Variants in DENND2C observed in about 807,000 individuals in gnomAD.
DENND2C encodes DENN domain-containing protein 2C.
Under a neutral mutation model 112.4 loss-of-function variants are expected in DENND2C, and 72 were observed. The ratio of observed to expected loss-of-function variants is 0.64; its 90% CI spans 0.53 to 0.78. The LOEUF is 0.78. Among genes scored for constraint, DENND2C ranks in the 30% least tolerant of loss-of-function variants. The probability of loss-of-function intolerance (pLI) is 0.00; values close to 1 mark genes in which losing one functional copy is unlikely to be tolerated. For synonymous variants in DENND2C, 329 were observed against 381.6 expected (o/e 0.86, Z 1.61); for missense variants, 992 against 1,113.8 (o/e 0.89, Z 1.56).
chr1:114,607,414 T>C (rs1010671524), intron 10 of DENND2C, among the ~76,000 whole-genome samples: 4 of 152,138 alleles, frequency 2.6e-5, no homozygotes, highest in Non-Finnish European at 5.9e-5. Flanking sequence ...TCCTGACACT[T>C]AGGAATGCAG....
chr1:114,602,130 G>T lies in DENND2C; in HGVS notation c.1732C>A (p.Leu578Ile), dbSNP rs1019667970. 2 of 1,613,732 alleles carry T rather than the reference G, an allele frequency of 1.2e-6. No homozygotes were observed. Among genetic ancestry groups the T allele is most frequent in the Non-Finnish European group, 1.7e-6 (2 of 1,179,844 alleles). Residue 578 changes from leucine to isoleucine, a missense_variant, in exon 12 of 21, where the codon CTC (leucine) becomes ATC (isoleucine). Physicochemically the swap from Leu to Ile is conservative, Grantham distance 5. Transcript: ENST00000393274. ...GSRWFGYCKK[L>I]LPVGKGKRLP... ...AACACAAATCTGATACTTACCAAGAGCTTCTTACAGTAACCAAACCACCGG... is the reference window on the plus strand; with the variant it reads ...AACACAAATCTGATACTTACCAAGATCTTCTTACAGTAACCAAACCACCGG...
In DENND2C at chr1:114,611,377, G is replaced by A. The variant is rs563537333; in HGVS notation, c.1325-260C>T. Among the ~76,000 whole-genome samples, 20 of 141,672 alleles carry A rather than the reference G, an allele frequency of 1.4e-4. 1 individual carries two copies. Among genetic ancestry groups the A allele is most frequent in the South Asian group, 7.2e-4 (3 of 4,164 alleles). 92.9% of individuals were successfully genotyped at this position (141,672 alleles called of 152,430 possible). A position where few individuals can be genotyped will look rare whatever the true frequency, so the allele number is the denominator to read the frequency against. ...GGCTCCCCTCTCATCCCTAATTCTA[G>A]AAACTAATTGCATTTCAGACCAGTT... On this transcript the variant is annotated intron_variant, in intron 8 of 20. Coordinates refer to ENST00000393274, the MANE Select transcript of DENND2C (RefSeq NM_001256404.2).
At chr1:114,650,306 A>G (rs1040955024) in intron 2 of DENND2C, among the ~76,000 whole-genome samples, 5 of 149,606 alleles carry the variant, frequency 3.3e-5, no homozygotes, top group Non-Finnish European at 7.4e-5. Context: ...CTGGGCAATA[A>G]GAGCGAAATT....
rs1026272026 is a variant in DENND2C, at chr1:114,583,168, G to T, written c.*2432C>A. ...GAGATGTCTAGTAGAAGCCCCACTG[G>T]GGGTAACCTGCTTAACATTAAAAAA... On this transcript the variant is annotated 3_prime_UTR_variant, in exon 21 of 21. Transcript: ENST00000393274. 3.3e-5 allele frequency: 5 copies of T among 152,042 alleles called. No homozygotes were observed. Among genetic ancestry groups the T allele is most frequent in the African/African-American group, 1.2e-4 (5 of 41,384 alleles). 9.4% of individuals were successfully genotyped at this position (152,042 alleles called of 1,614,324 possible).
At chr1:114,668,056 T>C (rs1657695152) in intron 1 of DENND2C, among the ~76,000 whole-genome samples, 1 of 152,198 alleles carries the variant, frequency 6.6e-6, no homozygotes, top group South Asian at 2.1e-4. Context: ...CTTGGTAGAA[T>C]GGAATCTCCT....
intron 6 of DENND2C, among the ~76,000 whole-genome samples, 191 bp downstream of exon 6, chr1:114,622,796 C>T (rs200578875): frequency 1.5e-5 from 2 of 137,468 alleles, no homozygotes; most frequent in Admixed American, 1.5e-4. Context: ...AGTGTTAAAA[C>T]AACAACCAAA....
At chr1:114,612,122 A>AT (rs1181301674) in intron 8 of DENND2C, among the ~76,000 whole-genome samples, 1 of 152,204 alleles carries the variant, frequency 6.6e-6, no homozygotes, top group Admixed American at 6.5e-5. Context: ...ATAGAAAAAG[A>AT]TTTATAAGTT....
At position 114,594,587 on chromosome 1, in the gene DENND2C, G is replaced by GAA; in HGVS notation, c.2326-11_2326-10dup. On this transcript the variant is annotated splice_polypyrimidine_tract_variant and intron_variant, in intron 17 of 20. Transcript: ENST00000393274. ...TCATCCTCATCAGATACCTTAAGAA[G>GAA]AAAAAAAAATGGAGATTTTTCTTTG... 6.4e-7 allele frequency: 1 copy of GAA among 1,573,034 alleles called. No individual in the cohort carries two copies. Among genetic ancestry groups the GAA allele is most frequent in the Non-Finnish European group, 8.6e-7 (1 of 1,156,794 alleles).
At chr1:114,589,288 C>G (rs1655122209) in intron 18 of DENND2C, among the ~76,000 whole-genome samples, 2 of 152,160 alleles carry the variant, frequency 1.3e-5, no homozygotes, top group Admixed American at 1.3e-4. Context: ...AATCAGGAAC[C>G]TAAATTTAGT....
rs565301737 is a variant in DENND2C at position 114,617,530 on chromosome 1, G to A, written c.1324+856C>T. Among the ~76,000 whole-genome samples the A allele has an allele frequency of 5.9e-5, 9 of 152,002 alleles. No individual in the cohort carries two copies. The East Asian group carries it at 1.2e-3, about 20-fold the overall frequency. ...TCTCTATGTTGGTCAGGCTGGTCTCGAACTCCTGACCTTGTGATCTGCCTG... is the reference window on the plus strand; with the variant it reads ...TCTCTATGTTGGTCAGGCTGGTCTCAAACTCCTGACCTTGTGATCTGCCTG... On this transcript the variant is annotated intron_variant, in intron 8 of 20. Coordinates refer to ENST00000393274, the MANE Select transcript of DENND2C (RefSeq NM_001256404.2).
At position 114,625,703 on chromosome 1, in the gene DENND2C, C is replaced by A. The variant is rs757669631; in HGVS notation, c.282G>T (p.Glu94Asp). ...NENTKSHDQS[E>D]NENKKHEYDD... ...CATATTCATGTTTCTTATTTTCATT[C>A]TCACTTTGATCATGGCTTTTGGTAT... Residue 94 changes from glutamate (E) to aspartate (D), a missense_variant, in exon 4 of 21, where the codon GAG becomes GAT. Transcript: ENST00000393274. 1 of 1,613,996 alleles carries A rather than the reference C, an allele frequency of 6.2e-7. No individual in the cohort carries two copies.
intron 18 of DENND2C, among the ~76,000 whole-genome samples, chr1:114,588,809 T>C (rs1655112077): frequency 6.6e-6 from 1 of 152,150 alleles, no homozygotes; most frequent in Admixed American, 6.6e-5. Flanking sequence ...CCCAGGCACT[T>C]GTCTCAAACT....
intron 3 of DENND2C, among the ~76,000 whole-genome samples, chr1:114,639,335 C>CT (rs767841305): frequency 2.6e-5 from 4 of 152,242 alleles, no homozygotes; most frequent in Middle Eastern, 6.8e-3. Flanking sequence ...AATCTCAGCA[C>CT]TTCGGGAGGC....
At chr1:114,593,655 C>T (rs1016117956) in intron 18 of DENND2C, among the ~76,000 whole-genome samples, 4 of 152,040 alleles carry the variant, frequency 2.6e-5, no homozygotes, top group Admixed American at 6.6e-5. Flanking sequence ...TGTGGTGGTG[C>T]ATGCCTGTAG....
intron 18 of DENND2C, among the ~76,000 whole-genome samples, chr1:114,591,837 A>G (rs1655199479): frequency 6.6e-6 from 1 of 150,452 alleles, no homozygotes; most frequent in African/African-American, 2.4e-5. Flanking sequence ...TTTTTCATAT[A>G]GAGACCAATT....
intron 1 of DENND2C, among the ~76,000 whole-genome samples, chr1:114,667,883 A>G (rs532948247): frequency 4.6e-5 from 7 of 152,176 alleles, no homozygotes; most frequent in Non-Finnish European, 1.0e-4. Flanking sequence ...TCATAATAAC[A>G]TCCCTCATGG....
At chr1:114,663,188 A>C (rs909977551) in intron 1 of DENND2C, among the ~76,000 whole-genome samples, 1 of 152,196 alleles carries the variant, frequency 6.6e-6, no homozygotes, top group African/African-American at 2.4e-5. Flanking sequence ...GCAGAAGAAA[A>C]AGAGAATAAA....
intron 1 of DENND2C, among the ~76,000 whole-genome samples, chr1:114,669,497 C>G (rs1018651724): frequency 4.3e-4 from 65 of 152,250 alleles, no homozygotes; most frequent in African/African-American, 1.5e-3. Context: ...TGACAACTTT[C>G]GGTATTGTGC....
intron 3 of DENND2C, among the ~76,000 whole-genome samples, chr1:114,627,512 AC>A (rs1656378436): frequency 6.6e-6 from 1 of 152,006 alleles, no homozygotes; most frequent in Admixed American, 6.6e-5. Flanking sequence ...TTTTATTTAA[AC>A]CATTCCTACA....
Sources: gnomAD v4.1 joint callset for allele counts (sites outside exome capture counted in the v4.1 genomes callset) on GRCh38, gnomAD v4.1.1 for gene constraint, MANE v1.5 for transcripts, NCBI Gene and HGNC (gene_info 2026-07-23, HGNC 2026-07-21) for gene names.